Variants in NRF1 observed in about 807,000 individuals in gnomAD.
The protein encoded by NRF1 is alpha palindromic-binding protein.
Under a neutral mutation model 58.5 loss-of-function variants are expected in NRF1, and 5 were observed. The observed-to-expected ratio is 0.09, with a 90% confidence interval of 0.04 to 0.18. NRF1 has a LOEUF of 0.18. Among genes scored for constraint, NRF1 ranks in the 10% least tolerant of loss-of-function variants. The probability of loss-of-function intolerance (pLI) is 1.00; values close to 1 mark genes in which losing one functional copy is unlikely to be tolerated. For missense variants in NRF1, 288 were observed against 657.7 expected, an observed-to-expected ratio of 0.44 and a Z score of 6.15; for synonymous variants, 224 against 246.7, an observed-to-expected ratio of 0.91 and a Z score of 0.86.
At chr7:129,661,780 A>G (rs1285794710) in intron 2 of NRF1, among the ~76,000 whole-genome samples, 3 of 150,808 alleles carry the variant, frequency 2.0e-5, no homozygotes, top group African/African-American at 5.0e-5. Flanking sequence ...ACCCCAGCCT[A>G]TTACCCAGTT....
Position 129,671,540 on chromosome 7 carries a change from T to C in NRF1, c.335T>C (p.Leu112Pro). ...CGGAAGAGGCAACAAACACGTTTGC[T>C]TCGGTGAGGGCTCCCTTATCCATAT... The part of the protein sequence containing the change: ...SIRKRQQTRL[L>P]RKLRATLDEY... Residue 112 changes from leucine to proline, a missense_variant, in exon 3 of 11, where the codon CTT becomes CCT. Physicochemically the swap from Leu to Pro is moderately conservative, Grantham distance 98 (BLOSUM62 -3). Transcript: ENST00000393232. 6.5e-7 allele frequency: 1 copy of C among 1,535,872 alleles called. No homozygotes were observed. Among genetic ancestry groups the C allele is most frequent in the Non-Finnish European group, 9.0e-7 (1 of 1,108,424 alleles).
chr7:129,699,680 G>A (rs1005918925), intron 5 of NRF1, among the ~76,000 whole-genome samples: 8 of 151,716 alleles, frequency 5.3e-5, no homozygotes, highest in Admixed American at 3.9e-4. Context: ...GTAGTGAGCC[G>A]AGATCGCGCC....
chr7:129,695,658 C>T (rs1268592000), intron 5 of NRF1, among the ~76,000 whole-genome samples: 7 of 145,768 alleles, frequency 4.8e-5, no homozygotes, highest in African/African-American at 1.8e-4. Flanking sequence ...CTTTATTTTT[C>T]TCTTTCTTTT....
At chr7:129,641,025 A>C (rs1414844329) in intron 1 of NRF1, among the ~76,000 whole-genome samples, 1 of 152,068 alleles carries the variant, frequency 6.6e-6, no homozygotes, top group Non-Finnish European at 1.5e-5. Flanking sequence ...CCTTATGATG[A>C]ATAACCATAA....
intron 1 of NRF1, among the ~76,000 whole-genome samples, chr7:129,624,072 A>G (rs1015805260): frequency 1.3e-5 from 2 of 152,216 alleles, no homozygotes; most frequent in Non-Finnish European, 2.9e-5. Flanking sequence ...GGTATTTTCC[A>G]TCCGAGAATA....
chr7:129,735,249 C>T (rs1408683755), intron 10 of NRF1: 1 of 985,356 alleles, frequency 1.0e-6, no homozygotes, highest in Non-Finnish European at 1.2e-6. Flanking sequence ...AAAATTAAAG[C>T]TGCTGGGTGC....
chr7:129,721,504 CAG>C (rs1443587484), intron 9 of NRF1, among the ~76,000 whole-genome samples: 1 of 141,292 alleles, frequency 7.1e-6, no homozygotes, highest in Non-Finnish European at 1.5e-5. Context: ...TTTATTGAGA[CAG>C]AGTCTTGCTC....
At chr7:129,643,361 C>G (rs560440386) in intron 1 of NRF1, among the ~76,000 whole-genome samples, 1 of 152,272 alleles carries the variant, frequency 6.6e-6, no homozygotes, top group South Asian at 2.1e-4. Flanking sequence ...TAAAAGTGTC[C>G]TTTGTGCTTA....
At chr7:129,644,663 A>C (rs1028077550) in intron 1 of NRF1, among the ~76,000 whole-genome samples, 3 of 152,218 alleles carry the variant, frequency 2.0e-5, no homozygotes, top group African/African-American at 7.2e-5. Context: ...CATTGCAGAA[A>C]GTTCTACCAG....
At chr7:129,696,084 A>AAC (rs1554410315) in intron 5 of NRF1, among the ~76,000 whole-genome samples, 1,142 of 110,936 alleles carry the variant, frequency 0.01, 57 homozygotes, top group East Asian at 0.019. Context: ...AAAAAAAAAA[A>AAC]AACAACCAAA....
chr7:129,723,009 T>C (rs947874615), intron 9 of NRF1, among the ~76,000 whole-genome samples: 1 of 152,170 alleles, frequency 6.6e-6, no homozygotes, highest in Non-Finnish European at 1.5e-5. Context: ...TTCCAAAGAG[T>C]ATACTTTTCT....
chr7:129,733,537 C>G (rs1327282334), intron 10 of NRF1, among the ~76,000 whole-genome samples: 2 of 151,950 alleles, frequency 1.3e-5, no homozygotes, highest in Non-Finnish European at 2.9e-5. Flanking sequence ...TTAAACAGAA[C>G]CACTAATAAA....
intron 2 of NRF1, 26 bp downstream of exon 2, chr7:129,657,600 T>G: frequency 5.4e-6 from 8 of 1,479,666 alleles, no homozygotes; most frequent in Non-Finnish European, 7.3e-6. Context: ...TTAGAAGCTC[T>G]TCTTTAATTT....
chr7:129,628,448 AAT>A (rs1211135491), intron 1 of NRF1, among the ~76,000 whole-genome samples: 1 of 152,144 alleles, frequency 6.6e-6, no homozygotes, highest in Non-Finnish European at 1.5e-5. Context: ...TAATTTAAAA[AAT>A]AACCCTGTAC....
chr7:129,737,887 C>G (rs76284883), intron 10 of NRF1, among the ~76,000 whole-genome samples: 5,039 of 152,300 alleles, frequency 0.033, 270 homozygotes, highest in African/African-American at 0.12. Flanking sequence ...ATGGTAAGCT[C>G]AGTGCCTCAG....
intron 10 of NRF1, among the ~76,000 whole-genome samples, chr7:129,747,942 A>G (rs1298764191): frequency 1.3e-5 from 2 of 152,198 alleles, no homozygotes; most frequent in Non-Finnish European, 2.9e-5. Flanking sequence ...ATCATATTCA[A>G]TTATTGAGCA....
At chr7:129,680,536 A>G (rs1039812979) in intron 4 of NRF1, among the ~76,000 whole-genome samples, 5 of 152,268 alleles carry the variant, frequency 3.3e-5, no homozygotes, top group Admixed American at 2.0e-4. Flanking sequence ...AAAAGTGGAA[A>G]CAACTCAAAT....
intron 9 of NRF1, among the ~76,000 whole-genome samples, chr7:129,724,620 G>A (rs982275349): frequency 2.0e-5 from 3 of 152,184 alleles, no homozygotes; most frequent in Admixed American, 2.0e-4. Context: ...GCTAAAACAT[G>A]GGAGCAACCA....
chr7:129,689,508 T>C (rs1480514367), intron 4 of NRF1, among the ~76,000 whole-genome samples: 1 of 152,238 alleles, frequency 6.6e-6, no homozygotes, highest in Non-Finnish European at 1.5e-5. Flanking sequence ...ACCCCTTGTG[T>C]ATTCTCCTAA....
Sources: allele counts gnomAD v4.1 joint callset (sites outside exome capture counted in the v4.1 genomes callset), GRCh38; gene constraint gnomAD v4.1.1; transcripts MANE v1.5; gene names NCBI Gene and HGNC (gene_info 2026-07-23, HGNC 2026-07-21).